Variants in CHKA observed in about 807,000 individuals in gnomAD.
CHKA encodes the protein choline kinase alpha, also known as CHETK-alpha.
CHKA carries 34 observed loss-of-function variants against 60.1 expected under a neutral mutation model. That is an observed-to-expected ratio of 0.57 (90% CI 0.43 to 0.75). The LOEUF (loss-of-function observed/expected upper bound fraction) is 0.75. CHKA is among the 30% of genes least tolerant of loss of function. CHKA has a pLI of 0.00. For synonymous variants in CHKA, 217 were observed against 223.1 expected, an observed-to-expected ratio of 0.97 and a Z score of 0.24; for missense variants, 563 against 561.3, an observed-to-expected ratio of 1.00 and a Z score of -0.03.
chr11:68,111,781 C>T (rs935177685), intron 1 of CHKA, among the ~76,000 whole-genome samples: 3 of 151,596 alleles, frequency 2.0e-5, no homozygotes, highest in African/African-American at 7.3e-5. Flanking sequence ...ATGCCCGGAG[C>T]GGTAGCTCAC....
intron 2 of CHKA, among the ~76,000 whole-genome samples, chr11:68,087,226 C>G (rs1857208984): frequency 6.6e-6 from 1 of 151,814 alleles, no homozygotes; most frequent in Non-Finnish European, 1.5e-5. Context: ...ACATTGGTAA[C>G]CTTAGCACTT....
chr11:68,088,196 T>G (rs1452007995), intron 2 of CHKA, among the ~76,000 whole-genome samples: 1 of 151,626 alleles, frequency 6.6e-6, no homozygotes, highest in African/African-American at 2.4e-5. Context: ...AATTTTGGTC[T>G]CGGAAAATAA....
At chr11:68,096,036 T>C (rs1183862017) in intron 2 of CHKA, among the ~76,000 whole-genome samples, 3 of 89,898 alleles carry the variant, frequency 3.3e-5, no homozygotes, top group Admixed American at 1.4e-4. Context: ...CCAGACTCCA[T>C]CTCAGGAAAA....
chr11:68,061,936 A>C lies in CHKA; in HGVS notation c.1314+17T>G. On this transcript the variant is annotated intron_variant, in intron 11 of 11. Coordinates refer to ENST00000265689, the MANE Select transcript of CHKA (RefSeq NM_001277.3). ...AGTAGGAAGAAAAAAAAAAACAAAAACGCTGCTAAAACATACCATGTACCC... is the reference window on the plus strand; with the variant it reads ...AGTAGGAAGAAAAAAAAAAACAAAACCGCTGCTAAAACATACCATGTACCC... The C allele has an allele frequency of 6.5e-7, 1 of 1,534,288 alleles. No homozygotes were observed. The highest frequency in any genetic ancestry group is 8.8e-7 in the Non-Finnish European group (1 of 1,138,090).
chr11:68,074,151 A>T (rs1436984329), intron 4 of CHKA, among the ~76,000 whole-genome samples: 1 of 152,206 alleles, frequency 6.6e-6, no homozygotes, highest in Admixed American at 6.5e-5. Flanking sequence ...AGCAACATTA[A>T]AACTGCCTTG....
chr11:68,082,250 G>A, intron 2 of CHKA, among the ~76,000 whole-genome samples: 1 of 151,408 alleles, frequency 6.6e-6, no homozygotes, highest in African/African-American at 2.4e-5. Flanking sequence ...TATTTTAAGA[G>A]CAACCCCCCA....
intron 11 of CHKA, among the ~76,000 whole-genome samples, chr11:68,060,204 TTG>T (rs1222794226): frequency 1.3e-5 from 2 of 151,904 alleles, no homozygotes; most frequent in Non-Finnish European, 2.9e-5. Flanking sequence ...ATTTTTTTTT[TTG>T]TATTTTTAGT....
intron 3 of CHKA, among the ~76,000 whole-genome samples, chr11:68,079,843 C>T (rs183529054): frequency 1.3e-5 from 2 of 152,224 alleles, no homozygotes; most frequent in South Asian, 2.1e-4. Context: ...AAGAATGTAG[C>T]GGCCCTTTGG....
chr11:68,065,088 C>G (rs931242310), intron 9 of CHKA, among the ~76,000 whole-genome samples: 16 of 152,274 alleles, frequency 1.1e-4, no homozygotes, highest in African/African-American at 3.4e-4. Flanking sequence ...GGAAAGGGAA[C>G]TGTTAACACC....
chr11:68,115,001 A>AT (rs1429878610), intron 1 of CHKA, among the ~76,000 whole-genome samples: 1 of 152,210 alleles, frequency 6.6e-6, no homozygotes, highest in Non-Finnish European at 1.5e-5. Context: ...CGACTATACA[A>AT]TGGTACAAAG....
chr11:68,082,912 G>A (rs973701053), intron 2 of CHKA, among the ~76,000 whole-genome samples: 2 of 152,148 alleles, frequency 1.3e-5, no homozygotes, highest in African/African-American at 4.8e-5. Flanking sequence ...TACAATGAAA[G>A]CTATAAAAAT....
At chr11:68,065,692 C>A in intron 9 of CHKA, 94 bp downstream of exon 9, 1 of 865,336 alleles carries the variant, frequency 1.2e-6, no homozygotes. Flanking sequence ...CAGAGTGAGA[C>A]CCTGCCTCAA....
intron 9 of CHKA, among the ~76,000 whole-genome samples, chr11:68,065,444 A>T (rs1856409501): frequency 6.6e-6 from 1 of 152,242 alleles, no homozygotes; most frequent in South Asian, 2.1e-4. Context: ...TCACAACTGT[A>T]ATCCCAGCAG....
At chr11:68,056,696 T>C (rs1325954628) in intron 11 of CHKA, among the ~76,000 whole-genome samples, 1 of 152,124 alleles carries the variant, frequency 6.6e-6, no homozygotes, top group African/African-American at 2.4e-5. Flanking sequence ...CCCCACCTAT[T>C]TATCTCTTCA....
intron 1 of CHKA, among the ~76,000 whole-genome samples, chr11:68,097,937 G>C (rs1857567238): frequency 6.6e-6 from 1 of 152,136 alleles, no homozygotes; most frequent in Admixed American, 6.6e-5. Context: ...TTGTCAAAGA[G>C]ATAGGAGGCA....
rs1456328191 is a variant in CHKA, at chr11:68,121,211, G to A, written c.-34C>T. ...GGCGGCCGAGGAGGCGCGGGCGGCC[G>A]CAGCGCGAGAGGACTAGGCTCAGAG... On this transcript the variant is annotated 5_prime_UTR_variant, in exon 1 of 12. Coordinates refer to ENST00000265689, the MANE Select transcript of CHKA (RefSeq NM_001277.3). The A allele has an allele frequency of 3.5e-6, 4 of 1,145,074 alleles. No individual in the cohort carries two copies. Among genetic ancestry groups the A allele is most frequent in the Middle Eastern group, 3.8e-4 (1 of 2,628 alleles). The allele number at this position is 1,145,074 out of a possible 1,614,324, so 70.9% of individuals were successfully genotyped here.
intron 2 of CHKA, among the ~76,000 whole-genome samples, chr11:68,088,110 C>CAAAAAA (rs55932145): frequency 1.1e-4 from 8 of 71,258 alleles, no homozygotes; most frequent in African/African-American, 2.3e-4. Flanking sequence ...GAGGCTGTCT[C>CAAAAAA]AAAAAAAAAA....
At chr11:68,066,539 G>C (rs752050292) in intron 7 of CHKA, 23 bp from the exon 8 acceptor site, 29 of 1,583,898 alleles carry the variant, frequency 1.8e-5, no homozygotes, top group Non-Finnish European at 2.3e-5. Context: ...TGGATAACAT[G>C]GTTTATGTTT....
Position 68,121,100 on chromosome 11 carries a change from G to A in CHKA, c.78C>T (p.Ser26=). Residue 26 remains serine (S), a synonymous_variant, in exon 1 of 12, where the codon AGC becomes AGT. Transcript: ENST00000265689. ...LGLLLSCGSG[S]AAPAPGVGQQ... is the part of the protein sequence containing the mutation. ...GCCCCACGCCGGGCGCCGGGGCCGC[G>A]CTGCCGCTACCGCAGCTCAGCAGCA... 1 of 1,156,046 alleles carries A rather than the reference G, an allele frequency of 8.7e-7. No individual in the cohort carries two copies. Among genetic ancestry groups the A allele is most frequent in the Non-Finnish European group, 1.1e-6 (1 of 938,508 alleles). The allele number at this position is 1,156,046 out of a possible 1,614,324, so 71.6% of individuals were successfully genotyped here.
Sources: allele counts gnomAD v4.1 joint callset (sites outside exome capture counted in the v4.1 genomes callset), GRCh38; gene constraint gnomAD v4.1.1; transcripts MANE v1.5; gene names NCBI Gene and HGNC (gene_info 2026-07-23, HGNC 2026-07-21).